The following CDH23 variants were observed in gnomAD, a reference collection of about 807,000 sequenced individuals.
CDH23 encodes cadherin-23.
CDH23 carries 189 observed loss-of-function variants against 317.1 expected under a neutral mutation model. The ratio of observed to expected loss-of-function variants is 0.60; its 90% CI spans 0.53 to 0.67. The LOEUF (loss-of-function observed/expected upper bound fraction) is 0.67. CDH23 is among the 30% of genes least tolerant of loss of function. The pLI, the probability that CDH23 is intolerant of heterozygous loss-of-function variation, is 0.00. For missense variants in CDH23, 4,401 were observed against 4,592.4 expected (o/e 0.96, Z 1.20); for synonymous variants, 1,839 against 1,876.8 (o/e 0.98, Z 0.52).
rs554353516 is a variant in CDH23, at chr10:71,785,687, G to A, written c.5769G>A (p.Lys1923=). The stretch of plus-strand genomic sequence containing the variant: ...ACCGCGAGCGGATCCCAGAGTACAA[G>A]CTGACCATTTCTGTGAAGGACAACC... ...PLDRERIPEY[K]LTISVKDNPE... Residue 1923 remains lysine, a synonymous_variant, in exon 44 of 70, where the codon AAG becomes AAA. Transcript: ENST00000224721. The A allele has an allele frequency of 3.2e-5, 52 of 1,609,174 alleles. No individual in the cohort carries two copies. In the African/African-American group the frequency reaches 5.7e-4, roughly 18 times the overall value.
At chr10:71,666,770 C>G (rs985932523) in intron 14 of CDH23, among the ~76,000 whole-genome samples, 2 of 152,136 alleles carry the variant, frequency 1.3e-5, no homozygotes, top group Non-Finnish European at 2.9e-5. Context: ...TCTGGGCTAC[C>G]GGGTTCCTGC....
chr10:71,696,485 G>A (rs540456130), intron 22 of CDH23, among the ~76,000 whole-genome samples: 1 of 152,368 alleles, frequency 6.6e-6, no homozygotes, highest in African/African-American at 2.4e-5. Context: ...AGGTCCCAAA[G>A]CTAGTAAAGG....
At chr10:71,560,847 G>T (rs575871072) in intron 6 of CDH23, among the ~76,000 whole-genome samples, 1 of 151,766 alleles carries the variant, frequency 6.6e-6, no homozygotes, top group African/African-American at 2.4e-5. Context: ...TTTATAACAG[G>T]CTCTGTAATA....
chr10:71,654,867 A>G (rs1315326014), intron 14 of CDH23, among the ~76,000 whole-genome samples: 1 of 152,152 alleles, frequency 6.6e-6, no homozygotes, highest in Non-Finnish European at 1.5e-5. Flanking sequence ...CCAGCCTCCA[A>G]GTCACACTGC....
intron 6 of CDH23, among the ~76,000 whole-genome samples, chr10:71,529,542 G>A (rs948332809): frequency 6.6e-6 from 1 of 152,114 alleles, no homozygotes; most frequent in Non-Finnish European, 1.5e-5. Flanking sequence ...ATAGGGTAGG[G>A]TCCACTCTGA....
chr10:71,619,341 C>A (rs947187889), intron 11 of CDH23, among the ~76,000 whole-genome samples: 4 of 151,830 alleles, frequency 2.6e-5, no homozygotes, highest in Admixed American at 2.0e-4. Flanking sequence ...AAAAAAACCC[C>A]AAAAAACAAA....
At chr10:71,416,642 C>T (rs1168759613) in intron 1 of CDH23, among the ~76,000 whole-genome samples, 1 of 152,064 alleles carries the variant, frequency 6.6e-6, no homozygotes, top group Non-Finnish European at 1.5e-5. Context: ...AGTTTTTGCT[C>T]ATCTTTGAAT....
rs117781040 is a variant in CDH23 at position 71,409,648 on chromosome 10, C to T, written c.-6+12330C>T. Reference sequence around the variant, plus strand: ...AAAAGGTGCCCTTGGTGTCTACTTCCTCCTTTGTTCTGAGTGCTGTCAGCA... The same window carrying T: ...AAAAGGTGCCCTTGGTGTCTACTTCTTCCTTTGTTCTGAGTGCTGTCAGCA... On this transcript the variant is annotated intron_variant, in intron 1 of 69. Coordinates refer to ENST00000224721, the MANE Select transcript of CDH23 (RefSeq NM_022124.6). Among the ~76,000 whole-genome samples the T allele has an allele frequency of 5.7e-3, 868 of 152,216 alleles. 3 individuals carry two copies. The highest frequency in any genetic ancestry group is 0.01 in the Middle Eastern group (3 of 294).
In CDH23 at chr10:71,645,660, T is replaced by C. The variant is rs12569374; in HGVS notation, c.1141-171T>C. On this transcript the variant is annotated intron_variant, in intron 12 of 69. Coordinates refer to ENST00000224721, the MANE Select transcript of CDH23 (RefSeq NM_022124.6). ...AGAGGGCCTAGACATGGGTGGGTCA[T>C]GGAGTCTTGGAGCTGCTCTGGGAAA... 17,491 of 796,632 alleles carry C rather than the reference T, an allele frequency of 0.022. 1,332 individuals are homozygous for C. The highest frequency in any genetic ancestry group is 0.16 in the East Asian group (6,375 of 40,974). 49.3% of individuals were successfully genotyped at this position (796,632 alleles called of 1,614,324 possible). A position where few individuals can be genotyped will look rare whatever the true frequency, so the allele number is the denominator to read the frequency against.
chr10:71,594,344 T>G (rs1859699926), intron 9 of CDH23, among the ~76,000 whole-genome samples: 1 of 152,132 alleles, frequency 6.6e-6, no homozygotes, highest in South Asian at 2.1e-4. Flanking sequence ...TTTCTTTCTC[T>G]CTCTCTCTCT....
At chr10:71,468,819 A>G (rs895261546) in intron 3 of CDH23, among the ~76,000 whole-genome samples, 3 of 152,190 alleles carry the variant, frequency 2.0e-5, no homozygotes, top group Non-Finnish European at 2.9e-5. Flanking sequence ...GGCAGGAGAC[A>G]GGGCAGGGGT....
intron 35 of CDH23, 48 bp downstream of exon 35, chr10:71,738,695 C>T: frequency 6.3e-7 from 1 of 1,594,208 alleles, no homozygotes. Flanking sequence ...CAGCGGGGCT[C>T]CCACAGCTCT....
intron 50 of CDH23, among the ~76,000 whole-genome samples, 199 bp downstream of exon 50, chr10:71,798,777 C>T (rs1427154029): frequency 6.6e-6 from 1 of 152,156 alleles, no homozygotes; most frequent in Non-Finnish European, 1.5e-5. Flanking sequence ...ATGGAAGCCT[C>T]TTGATGTCTG....
At chr10:71,796,102 GGGACCCAC>G (rs1348149750) in intron 48 of CDH23, 1 of 986,136 alleles carries the variant, frequency 1.0e-6, no homozygotes, top group African/African-American at 1.7e-5. Context: ...CCCATGGCTG[GGGACCCAC>G]GGAAGACAGA....
chr10:71,707,416 G>A, intron 26 of CDH23: 2 of 1,301,236 alleles, frequency 1.5e-6, no homozygotes, highest in Non-Finnish European at 2.0e-6. Context: ...GGAGGAATGT[G>A]GCCTCATCCT....
rs1840259962 is a variant in CDH23 at position 71,759,846 on chromosome 10, C to CATACACACACACACACAT, written c.4846-17831_4846-17830insCACACACACACACATATA. ...ACACACACACACACACACACACACA[C>CATACACACACACACACAT]ATATACACACACACACACATATATA... On this transcript the variant is annotated intron_variant, in intron 38 of 69. Coordinates refer to ENST00000224721, the MANE Select transcript of CDH23 (RefSeq NM_022124.6). 7.0e-4 allele frequency among the ~76,000 whole-genome samples: 42 copies of CATACACACACACACACAT among 59,964 alleles called. 7 individuals carry two copies. The highest frequency in any genetic ancestry group is 3.8e-4 in the Non-Finnish European group (11 of 29,048). The allele number at this position is 59,964 out of a possible 152,430, so 39.3% of individuals were successfully genotyped here.
rs1286813399 is a variant in CDH23 at position 71,815,069 on chromosome 10, C to G, written c.9856C>G (p.His3286Asp). The change falls in exon 70 of 70, where the codon CAC (histidine) becomes GAC (aspartate). Residue 3286 changes from histidine (H) to aspartate (D), a missense_variant. Transcript: ENST00000224721. ...LKGPDGIHVV[H>D]GSTGTLLATD... Reference sequence around the variant, plus strand: ...GGGGCCCGATGGGATCCATGTGGTGCACGGCAGCACGGGCACGCTGCTGGC... The same window carrying G: ...GGGGCCCGATGGGATCCATGTGGTGGACGGCAGCACGGGCACGCTGCTGGC... 6.2e-7 allele frequency: 1 copy of G among 1,611,602 alleles called. No homozygotes were observed. Among genetic ancestry groups the G allele is most frequent in the East Asian group, 2.2e-5 (1 of 44,856 alleles).
chr10:71,573,392 C>T (rs189712992), intron 8 of CDH23, among the ~76,000 whole-genome samples: 1 of 152,310 alleles, frequency 6.6e-6, no homozygotes, highest in African/African-American at 2.4e-5. Flanking sequence ...GCTGTCCATC[C>T]ATTGGGTCTG....
chr10:71,732,020 C>A lies in CDH23; in HGVS notation c.3749C>A (p.Ser1250Ter). ...GGCCTGGTGAACTACCGCATCCTGT[C>A]GGGCGCAGAGGGGAAGTTTGAGATT... Reference protein sequence around the residue: ...DGGLVNYRILSGAEGKFEIDE... With the variant: ...DGGLVNYRIL The change falls in exon 32 of 70, where the codon TCG becomes TAG. Residue 1250 changes from serine (S) to a stop codon, truncating the protein, a stop_gained. Transcript: ENST00000224721. LOFTEE classifies it high-confidence loss of function. 1 of 1,613,896 alleles carries A rather than the reference C, an allele frequency of 6.2e-7. No individual in the cohort carries two copies. Among genetic ancestry groups the A allele is most frequent in the Non-Finnish European group, 8.5e-7 (1 of 1,179,858 alleles).
Sources: gnomAD v4.1 joint callset for allele counts (sites outside exome capture counted in the v4.1 genomes callset) on GRCh38, gnomAD v4.1.1 for gene constraint, MANE v1.5 for transcripts, NCBI Gene and HGNC (gene_info 2026-07-23, HGNC 2026-07-21) for gene names.